Variants in MEMO1 observed in about 807,000 individuals in gnomAD.
The protein encoded by MEMO1 is mediator of cell motility 1, also known as protein MEMO1.
Under a neutral mutation model 45.2 loss-of-function variants are expected in MEMO1, and 6 were observed. The ratio of observed to expected loss-of-function variants is 0.13; its 90% confidence interval spans 0.07 to 0.26. The LOEUF is 0.26. Ranked by LOEUF, MEMO1 falls within the 10% of genes least tolerant of loss-of-function variation. MEMO1 has a pLI of 1.00. For missense variants in MEMO1, 184 were observed against 370.5 expected, an observed-to-expected ratio of 0.50 and a Z score of 4.13; for synonymous variants, 78 against 124.3, an observed-to-expected ratio of 0.63 and a Z score of 2.48.
chr2:31,879,897 T>A (rs1675103733), intron 8 of MEMO1, among the ~76,000 whole-genome samples: 1 of 152,204 alleles, frequency 6.6e-6, no homozygotes, highest in Non-Finnish European at 1.5e-5. Context: ...TCTGTCCCTC[T>A]TATATTCCCT....
At chr2:31,890,788 T>C (rs1439379755) in intron 7 of MEMO1, among the ~76,000 whole-genome samples, 1 of 152,158 alleles carries the variant, frequency 6.6e-6, no homozygotes, top group Non-Finnish European at 1.5e-5. Flanking sequence ...GCAGCTACCC[T>C]GGACTCTACT....
At chr2:31,978,054 C>A (rs955399099) in intron 2 of MEMO1, among the ~76,000 whole-genome samples, 2 of 151,890 alleles carry the variant, frequency 1.3e-5, no homozygotes, top group Non-Finnish European at 2.9e-5. Context: ...TGACTTTGAA[C>A]AACCCAAGGT....
At chr2:31,937,495 G>C (rs1041840674) in intron 3 of MEMO1, among the ~76,000 whole-genome samples, 3 of 152,166 alleles carry the variant, frequency 2.0e-5, no homozygotes, top group Non-Finnish European at 4.4e-5. Flanking sequence ...TATGAAGATT[G>C]TCTCATGATA....
chr2:32,008,940 A>G (rs1311777154), intron 2 of MEMO1, among the ~76,000 whole-genome samples: 1 of 152,176 alleles, frequency 6.6e-6, no homozygotes, highest in African/African-American at 2.4e-5. Context: ...GTCACTCTCC[A>G]AGCCAATTCT....
chr2:31,913,817 A>G (rs1004021312), intron 6 of MEMO1, among the ~76,000 whole-genome samples: 10 of 152,124 alleles, frequency 6.6e-5, no homozygotes, highest in African/African-American at 2.4e-4. Flanking sequence ...TACAAATCCA[A>G]TCACCAAAAA....
rs1195017174 is a variant in MEMO1, at chr2:31,919,725, G to C, written c.325+1073C>G. ...GTAGTCCTACCTACTTGGGAGGCTGGGGTAGGAGGATCACTTGAGCCCAGG... is the reference window on the plus strand; with the variant it reads ...GTAGTCCTACCTACTTGGGAGGCTGCGGTAGGAGGATCACTTGAGCCCAGG... On this transcript the variant is annotated intron_variant, in intron 5 of 9. Transcript: ENST00000404530. Among the ~76,000 whole-genome samples the C allele has an allele frequency of 4.6e-5, 7 of 151,956 alleles. No individual in the cohort carries two copies. The South Asian group carries it at 1.2e-3, about 27-fold the overall frequency.
At chr2:31,936,641 T>C (rs1664957586) in intron 3 of MEMO1, among the ~76,000 whole-genome samples, 1 of 152,234 alleles carries the variant, frequency 6.6e-6, no homozygotes, top group African/African-American at 2.4e-5. Flanking sequence ...AATGTGGGTA[T>C]AATTCAAATT....
At chr2:31,903,018 GTATA>G (rs1310953886) in intron 6 of MEMO1, among the ~76,000 whole-genome samples, 1 of 151,710 alleles carries the variant, frequency 6.6e-6, no homozygotes, top group Non-Finnish European at 1.5e-5. Context: ...TTAATTTGTG[GTATA>G]TAAATAATTA....
chr2:31,944,960 T>G (rs1666025666), intron 2 of MEMO1, among the ~76,000 whole-genome samples: 2 of 152,166 alleles, frequency 1.3e-5, no homozygotes, highest in South Asian at 4.1e-4. Flanking sequence ...CTTAAGATTT[T>G]CCTTGGTTAA....
chr2:31,930,701 G>A (rs776733880), intron 4 of MEMO1, among the ~76,000 whole-genome samples: 16 of 151,944 alleles, frequency 1.1e-4, no homozygotes, highest in East Asian at 3.9e-4. Context: ...GCTGGAGTGC[G>A]GTGGCGCGAT....
chr2:31,932,015 A>G (rs1409552956), intron 4 of MEMO1, 52 bp downstream of exon 4: 4 of 1,492,896 alleles, frequency 2.7e-6, no homozygotes, highest in Non-Finnish European at 3.7e-6. Flanking sequence ...TTCTATAACA[A>G]AGCAATAAAT....
intron 2 of MEMO1, among the ~76,000 whole-genome samples, chr2:31,986,685 A>G (rs1275533401): frequency 6.6e-6 from 1 of 152,154 alleles, no homozygotes; most frequent in Non-Finnish European, 1.5e-5. Context: ...ATTCTCATGG[A>G]GCATATATTC....
intron 7 of MEMO1, among the ~76,000 whole-genome samples, chr2:31,884,259 TA>T (rs1675831918): frequency 6.6e-6 from 1 of 152,146 alleles, no homozygotes; most frequent in African/African-American, 2.4e-5. Context: ...AAAATTTTCT[TA>T]ACTAATTATG....
chr2:31,953,040 T>A (rs1667007173), intron 2 of MEMO1, among the ~76,000 whole-genome samples: 1 of 152,206 alleles, frequency 6.6e-6, no homozygotes, highest in African/African-American at 2.4e-5. Context: ...CAATTCTGTA[T>A]TATGTATCTA....
intron 6 of MEMO1, among the ~76,000 whole-genome samples, chr2:31,900,009 T>A (rs1678538778): frequency 6.6e-6 from 1 of 152,140 alleles, no homozygotes; most frequent in Non-Finnish European, 1.5e-5. Context: ...AGAATGGCAA[T>A]CATTAAAAAG....
intron 7 of MEMO1, among the ~76,000 whole-genome samples, chr2:31,891,200 A>C (rs1027710331): frequency 2.0e-5 from 3 of 152,232 alleles, no homozygotes; most frequent in African/African-American, 7.2e-5. Flanking sequence ...TAAGTGATAA[A>C]TGAACAGATA....
At chr2:31,933,337 AAAAAAAAAAAAATTTAT>A (rs1664445113) in intron 3 of MEMO1, among the ~76,000 whole-genome samples, 3 of 65,180 alleles carry the variant, frequency 4.6e-5, no homozygotes, top group Non-Finnish European at 8.1e-5. Flanking sequence ...AAAAAAAAAA[AAAAAAAAAAAAATTTAT>A]ATATATATAT....
chr2:32,010,136 G>T, intron 2 of MEMO1, 51 bp downstream of exon 2: 2 of 1,031,656 alleles, frequency 1.9e-6, no homozygotes, highest in African/African-American at 1.7e-5. Flanking sequence ...CCGGCCGGGC[G>T]TGGGGCCAGG....
At chr2:31,911,055 G>A (rs1680491421) in intron 6 of MEMO1, among the ~76,000 whole-genome samples, 1 of 151,906 alleles carries the variant, frequency 6.6e-6, no homozygotes, top group Non-Finnish European at 1.5e-5. Context: ...AAAAGGGGGA[G>A]AAGATTGGCA....
Sources: allele counts gnomAD v4.1 joint callset (sites outside exome capture counted in the v4.1 genomes callset), GRCh38; gene constraint gnomAD v4.1.1; transcripts MANE v1.5; gene names NCBI Gene and HGNC (gene_info 2026-07-23, HGNC 2026-07-21).